Variants in ZNF385D observed in about 807,000 individuals in gnomAD.
The protein encoded by ZNF385D is zinc finger protein 659.
ZNF385D carries 15 observed loss-of-function variants against 35.8 expected under a neutral mutation model. That is an observed-to-expected ratio of 0.42 (90% CI 0.28 to 0.64). The LOEUF is 0.64. Ranked by LOEUF, ZNF385D falls within the 30% of genes least tolerant of loss-of-function variation. The pLI is 0.23. For missense variants in ZNF385D, 474 were observed against 494.6 expected (o/e 0.96, Z 0.39); for synonymous variants, 212 against 186.8 (o/e 1.13, Z -1.10).
chr3:21,962,284 G>T (rs910828197), intron 3 of ZNF385D, among the ~76,000 whole-genome samples: 1 of 152,060 alleles, frequency 6.6e-6, no homozygotes, highest in Admixed American at 6.6e-5. Flanking sequence ...GGGGAAAATG[G>T]TATGTGTGGA....
intron 1 of ZNF385D, among the ~76,000 whole-genome samples, chr3:21,748,113 C>A (rs2069868944): frequency 6.6e-6 from 1 of 152,098 alleles, no homozygotes; most frequent in Admixed American, 6.5e-5. Flanking sequence ...TCTGAAATCA[C>A]AGCACAGGAA....
intron 3 of ZNF385D, among the ~76,000 whole-genome samples, chr3:21,856,683 T>G (rs1243281652): frequency 1.3e-5 from 2 of 152,058 alleles, no homozygotes; most frequent in Non-Finnish European, 2.9e-5. Context: ...CAAGCCACCA[T>G]CATCTCTTGC....
At chr3:21,935,379 T>C (rs954897106) in intron 3 of ZNF385D, among the ~76,000 whole-genome samples, 1 of 152,118 alleles carries the variant, frequency 6.6e-6, no homozygotes, top group Non-Finnish European at 1.5e-5. Context: ...ATCCTCCAAA[T>C]AACTATATGA....
At chr3:21,563,659 G>T (rs1024841993) in intron 3 of ZNF385D, among the ~76,000 whole-genome samples, 1 of 152,134 alleles carries the variant, frequency 6.6e-6, no homozygotes, top group African/African-American at 2.4e-5. Flanking sequence ...CCAGAATTCA[G>T]ATCTGTTTGG....
chr3:21,861,715 C>G (rs966995045), intron 3 of ZNF385D, among the ~76,000 whole-genome samples: 1 of 152,108 alleles, frequency 6.6e-6, no homozygotes, highest in Non-Finnish European at 1.5e-5. Flanking sequence ...AGGAGCAATT[C>G]TTTCCCTTTT....
In ZNF385D at chr3:21,828,254, G is replaced by A. The variant is rs368463529; in HGVS notation, c.326-163226C>T. ...TCCGTGTTGAGAAGTTCGTGGTCAT[G>A]TAGTCACATATATTCATTTTGAACA... On this transcript the variant is annotated intron_variant, in intron 3 of 5. Coordinates refer to the ZNF385D transcript ENST00000494108. 4.6e-5 allele frequency among the ~76,000 whole-genome samples: 7 copies of A among 152,288 alleles called. No individual in the cohort carries two copies. The South Asian group carries it at 1.2e-3, about 27-fold the overall frequency.
At chr3:22,333,373 T>C (rs1026066175) in intron 2 of ZNF385D, among the ~76,000 whole-genome samples, 1 of 152,216 alleles carries the variant, frequency 6.6e-6, no homozygotes. Flanking sequence ...TATTTCACCG[T>C]ACTCTTTTTC....
rs555497777 is a variant in ZNF385D, at chr3:21,889,602, C to A, written c.326-224574G>T. Reference sequence around the variant, plus strand: ...CCCTTAACTTTCTTCAGAAAAAAAACTGGGGAGAGAAATTCCTCAGGGAGA... The same window carrying A: ...CCCTTAACTTTCTTCAGAAAAAAAAATGGGGAGAGAAATTCCTCAGGGAGA... On this transcript the variant is annotated intron_variant, in intron 3 of 5. Transcript: ENST00000494108. Among the ~76,000 whole-genome samples, 30 of 152,008 alleles carry A rather than the reference C, an allele frequency of 2.0e-4. 1 individual carries two copies. In the South Asian group the frequency reaches 6.0e-3, roughly 31 times the overall value.
At chr3:22,158,078 T>C (rs1429852900) in intron 3 of ZNF385D, among the ~76,000 whole-genome samples, 6 of 152,106 alleles carry the variant, frequency 3.9e-5, no homozygotes, top group African/African-American at 1.4e-4. Context: ...AACAAATTCA[T>C]AGCAGATGTG....
chr3:21,590,004 A>G (rs2063923104), intron 2 of ZNF385D, among the ~76,000 whole-genome samples: 1 of 152,162 alleles, frequency 6.6e-6, no homozygotes, highest in Non-Finnish European at 1.5e-5. Context: ...GACTCATGCT[A>G]GACTGTAAAG....
intron 3 of ZNF385D, among the ~76,000 whole-genome samples, chr3:22,024,279 C>G (rs73137151): frequency 0.086 from 13,093 of 151,968 alleles, 605 homozygotes; most frequent in East Asian, 0.16. Flanking sequence ...ATCTTGAGAT[C>G]GTGTAAGTTA....
chr3:22,363,979 G>A (rs1221403554), intron 2 of ZNF385D, among the ~76,000 whole-genome samples: 4 of 152,024 alleles, frequency 2.6e-5, no homozygotes, highest in Non-Finnish European at 4.4e-5. Context: ...AGTTAGCTTT[G>A]CTTAATATTC....
intron 3 of ZNF385D, among the ~76,000 whole-genome samples, chr3:21,932,414 T>G: frequency 7.5e-6 from 1 of 133,122 alleles, no homozygotes; most frequent in South Asian, 2.5e-4. Flanking sequence ...GGGGATAGAT[T>G]TTTTTTTTAA....
chr3:22,347,523 A>G (rs577553196), intron 2 of ZNF385D, among the ~76,000 whole-genome samples: 1 of 152,336 alleles, frequency 6.6e-6, no homozygotes, highest in South Asian at 2.1e-4. Context: ...GCACAGTTTC[A>G]AAACAATCAG....
chr3:21,705,782 G>A (rs1038129855), intron 1 of ZNF385D, among the ~76,000 whole-genome samples: 2 of 152,158 alleles, frequency 1.3e-5, no homozygotes, highest in African/African-American at 4.8e-5. Flanking sequence ...GGTTCAGACT[G>A]TTTGCATTCG....
chr3:21,680,604 CA>C (rs1405861523), intron 1 of ZNF385D, among the ~76,000 whole-genome samples: 3 of 152,080 alleles, frequency 2.0e-5, no homozygotes, highest in African/African-American at 7.2e-5. Context: ...GCTTTTTTAT[CA>C]AAAGGTAATA....
Position 21,454,645 on chromosome 3 carries a change from C to G in ZNF385D, c.440-17442G>C, listed in dbSNP as rs181058734. On this transcript the variant is annotated intron_variant, in intron 4 of 7. Coordinates refer to ENST00000281523, the MANE Select transcript of ZNF385D (RefSeq NM_024697.3). ...CACAGCCAATATCATACTGAATGGG[C>G]AAAACTGGAAACATTCCCTTTGAAA... Among the ~76,000 whole-genome samples the G allele has an allele frequency of 5.9e-3, 897 of 152,150 alleles. 9 individuals carry two copies. Among genetic ancestry groups the G allele is most frequent in the African/African-American group, 0.021 (855 of 41,532 alleles).
At chr3:21,500,578 G>T (rs1706287698) in intron 4 of ZNF385D, among the ~76,000 whole-genome samples, 1 of 152,194 alleles carries the variant, frequency 6.6e-6, no homozygotes, top group African/African-American at 2.4e-5. Context: ...GCATTCTTTT[G>T]TGCGTTAGCA....
chr3:21,949,546 C>CTTTTTTTT (rs1553705221), intron 3 of ZNF385D, among the ~76,000 whole-genome samples: 4 of 31,130 alleles, frequency 1.3e-4, no homozygotes, highest in Admixed American at 3.4e-4. Flanking sequence ...TCCTTCTTTT[C>CTTTTTTTT]TTTCTTTCTT....
Sources: allele counts gnomAD v4.1 joint callset (sites outside exome capture counted in the v4.1 genomes callset), GRCh38; gene constraint gnomAD v4.1.1; transcripts MANE v1.5; gene names NCBI Gene and HGNC (gene_info 2026-07-23, HGNC 2026-07-21).